IQCM: variants seen among roughly 807,000 people sequenced by gnomAD.
IQCM encodes the protein IQ motif containing M, also known as IQ domain-containing protein M.
A neutral mutation model predicts 57.6 loss-of-function variants in IQCM; 45 were observed. The observed-to-expected ratio is 0.78, with a 90% CI of 0.62 to 1.00. IQCM has a LOEUF of 1.00. Ranked by LOEUF, IQCM falls within the 50% of genes least tolerant of loss-of-function variation. The pLI is 0.00. For missense variants in IQCM, 468 were observed against 511.6 expected (o/e 0.91, Z 0.82); for synonymous variants, 148 against 158.9 (o/e 0.93, Z 0.51).
chr4:149,649,908 T>C (rs1195332286), intron 7 of IQCM, among the ~76,000 whole-genome samples: 1 of 152,188 alleles, frequency 6.6e-6, no homozygotes, highest in African/African-American at 2.4e-5. Context: ...CACGTCTCAA[T>C]GGTTTGATAT....
At chr4:149,651,576 G>GA (rs1219972656) in intron 7 of IQCM, among the ~76,000 whole-genome samples, 4 of 150,552 alleles carry the variant, frequency 2.7e-5, no homozygotes, top group Admixed American at 6.6e-5. Flanking sequence ...CATTAAAAGT[G>GA]AAAAAAAAAT....
intron 2 of IQCM, among the ~76,000 whole-genome samples, chr4:149,752,142 T>C (rs1015239941): frequency 6.6e-6 from 1 of 152,114 alleles, no homozygotes; most frequent in African/African-American, 2.4e-5. Flanking sequence ...TAACACATCA[T>C]TGATGCATAC....
chr4:149,728,575 G>T (rs1213362708), intron 5 of IQCM, among the ~76,000 whole-genome samples: 2 of 152,298 alleles, frequency 1.3e-5, no homozygotes, highest in African/African-American at 4.8e-5. Flanking sequence ...ACTTGAAAAT[G>T]TGGGGAGCCA....
chr4:149,382,506 T>A (rs1257024155), intron 13 of IQCM, among the ~76,000 whole-genome samples: 1 of 152,144 alleles, frequency 6.6e-6, no homozygotes, highest in African/African-American at 2.4e-5. Context: ...TTAGTTTTAA[T>A]ATGACACCAT....
intron 7 of IQCM, among the ~76,000 whole-genome samples, chr4:149,634,047 T>C (rs1318912494): frequency 6.6e-6 from 1 of 152,196 alleles, no homozygotes; most frequent in Non-Finnish European, 1.5e-5. Context: ...TCTGACTCTG[T>C]TGCCCAGACT....
intron 5 of IQCM, among the ~76,000 whole-genome samples, chr4:149,699,829 T>A (rs2149810888): frequency 6.6e-6 from 1 of 152,048 alleles, no homozygotes; most frequent in South Asian, 2.1e-4. Flanking sequence ...GACCTTTAGT[T>A]CACCACCTGT....
intron 7 of IQCM, among the ~76,000 whole-genome samples, chr4:149,636,507 A>G (rs1180826273): frequency 6.6e-6 from 1 of 152,122 alleles, no homozygotes; most frequent in Non-Finnish European, 1.5e-5. Context: ...GGAGCAGAAG[A>G]ACCCAGAGAA....
chr4:149,576,551 C>T (rs909022000), intron 9 of IQCM, among the ~76,000 whole-genome samples: 1 of 151,872 alleles, frequency 6.6e-6, no homozygotes, highest in Non-Finnish European at 1.5e-5. Flanking sequence ...CAGCTATATC[C>T]ATGTTACTGC....
intron 8 of IQCM, among the ~76,000 whole-genome samples, chr4:149,591,201 T>TA: frequency 6.6e-6 from 1 of 152,160 alleles, no homozygotes; most frequent in African/African-American, 2.4e-5. Flanking sequence ...GGCTTCTTTC[T>TA]AAAAAAGCAC....
At chr4:149,378,162 C>G (rs947858756) in intron 13 of IQCM, among the ~76,000 whole-genome samples, 3 of 152,096 alleles carry the variant, frequency 2.0e-5, no homozygotes, top group Non-Finnish European at 4.4e-5. Flanking sequence ...GCCTCCCCAG[C>G]CACACAGAAC....
In IQCM at chr4:149,539,632, A is replaced by T. The variant is rs1747652116; in HGVS notation, c.1228+8823T>A. 2.0e-5 allele frequency among the ~76,000 whole-genome samples: 3 copies of T among 152,100 alleles called. No individual in the cohort carries two copies. The South Asian group carries it at 6.2e-4, about 32-fold the overall frequency. ...GCCTGTAATCCCAGTAGGCCAAGGC[A>T]GACAGATCGTCTGAGGTCAGGAGTT... is the stretch of plus-strand genomic sequence containing the variant. On this transcript the variant is annotated intron_variant, in intron 12 of 13. Transcript: ENST00000636793.
chr4:149,415,298 T>C (rs1359687927), intron 13 of IQCM, among the ~76,000 whole-genome samples: 1 of 152,206 alleles, frequency 6.6e-6, no homozygotes, highest in Non-Finnish European at 1.5e-5. Context: ...ATGATACCAC[T>C]ATATGAAAGA....
chr4:149,562,765 A>G (rs568952298), intron 10 of IQCM, among the ~76,000 whole-genome samples: 1 of 152,306 alleles, frequency 6.6e-6, no homozygotes, highest in Admixed American at 6.5e-5. Context: ...TGATTCCCAT[A>G]CATATTAATT....
chr4:149,664,492 T>C (rs1247691548), intron 7 of IQCM, among the ~76,000 whole-genome samples: 3 of 152,140 alleles, frequency 2.0e-5, no homozygotes, highest in Non-Finnish European at 4.4e-5. Flanking sequence ...GTCAGTTGGC[T>C]ATGGTGCATT....
At chr4:149,360,252 C>T (rs947621838) in intron 13 of IQCM, among the ~76,000 whole-genome samples, 2 of 151,880 alleles carry the variant, frequency 1.3e-5, no homozygotes, top group Non-Finnish European at 2.9e-5. Context: ...AACACTATAA[C>T]AATAAAAAGC....
chr4:149,730,988 G>A (rs1766405803), intron 5 of IQCM, among the ~76,000 whole-genome samples: 1 of 152,142 alleles, frequency 6.6e-6, no homozygotes, highest in Non-Finnish European at 1.5e-5. Flanking sequence ...TACCTCTCAA[G>A]TGCTAGGTCT....
intron 7 of IQCM, among the ~76,000 whole-genome samples, chr4:149,621,922 A>G (rs1256204210): frequency 6.6e-6 from 1 of 152,260 alleles, no homozygotes. Flanking sequence ...AATGAATCAA[A>G]CTATTTTCAT....
At chr4:149,746,765 C>T (rs1054985936) in intron 2 of IQCM, among the ~76,000 whole-genome samples, 12 of 152,204 alleles carry the variant, frequency 7.9e-5, no homozygotes, top group African/African-American at 2.4e-4. Context: ...TATTCCATTG[C>T]TTTTGTGTAC....
chr4:149,365,611 T>C (rs146718078), intron 13 of IQCM, among the ~76,000 whole-genome samples: 1 of 152,266 alleles, frequency 6.6e-6, no homozygotes. Flanking sequence ...TTTGGACAGG[T>C]AATCAAGATT....
Sources: allele counts gnomAD v4.1 joint callset (sites outside exome capture counted in the v4.1 genomes callset), GRCh38; gene constraint gnomAD v4.1.1; transcripts MANE v1.5; gene names NCBI Gene and HGNC (gene_info 2026-07-23, HGNC 2026-07-21).